Variants in NRG3 observed in about 807,000 individuals in gnomAD.
NRG3 encodes the protein neuregulin 3.
NRG3 carries 31 observed loss-of-function variants against 66.9 expected under a neutral mutation model. The observed-to-expected ratio is 0.46, with a 90% confidence interval of 0.35 to 0.63. NRG3 has a LOEUF of 0.63. Ranked by LOEUF, NRG3 falls within the 20% of genes least tolerant of loss-of-function variation. The pLI is 0.00. For missense variants in NRG3, 910 were observed against 878.9 expected (o/e 1.04, Z -0.45); for synonymous variants, 393 against 359.4 (o/e 1.09, Z -1.06).
chr10:82,748,243 C>T (rs915979950), intron 3 of NRG3, among the ~76,000 whole-genome samples: 1 of 151,578 alleles, frequency 6.6e-6, no homozygotes, highest in African/African-American at 2.4e-5. Context: ...AACTTGATTA[C>T]ATATGCATTT....
chr10:82,907,905 T>C (rs1356026813), intron 4 of NRG3, among the ~76,000 whole-genome samples: 7 of 152,196 alleles, frequency 4.6e-5, no homozygotes, highest in African/African-American at 1.7e-4. Flanking sequence ...AGGCAATGTT[T>C]TGCCTGTCTT....
At chr10:82,227,763 C>T (rs2076241837) in intron 1 of NRG3, among the ~76,000 whole-genome samples, 1 of 152,166 alleles carries the variant, frequency 6.6e-6, no homozygotes, top group Non-Finnish European at 1.5e-5. Context: ...GGAAATATTA[C>T]TCCAAGATAG....
At chr10:82,788,639 G>A (rs2060466484) in intron 3 of NRG3, among the ~76,000 whole-genome samples, 1 of 151,948 alleles carries the variant, frequency 6.6e-6, no homozygotes, top group Non-Finnish European at 1.5e-5. Flanking sequence ...AGACAAAGGA[G>A]AAAATAAGAT....
chr10:82,143,319 A>C (rs529698537), intron 1 of NRG3, among the ~76,000 whole-genome samples: 1 of 152,284 alleles, frequency 6.6e-6, no homozygotes, highest in South Asian at 2.1e-4. Flanking sequence ...CTCAGAATTC[A>C]GTATACCACT....
At chr10:82,323,002 G>C (rs533218175) in intron 1 of NRG3, among the ~76,000 whole-genome samples, 1 of 152,114 alleles carries the variant, frequency 6.6e-6, no homozygotes, top group African/African-American at 2.4e-5. Context: ...TGTTACTAAC[G>C]GGTAAGAATA....
chr10:82,284,190 T>C (rs528365568), intron 1 of NRG3, among the ~76,000 whole-genome samples: 2 of 152,276 alleles, frequency 1.3e-5, no homozygotes, highest in South Asian at 4.1e-4. Flanking sequence ...AGTGAAAAGG[T>C]ACATGGCAAG....
chr10:82,519,197 G>A (rs930682962), intron 2 of NRG3, among the ~76,000 whole-genome samples: 6 of 152,118 alleles, frequency 3.9e-5, no homozygotes, highest in Non-Finnish European at 8.8e-5. Context: ...TTGATTGTCC[G>A]GAGTACTTCC....
chr10:82,773,791 T>G (rs775389444), intron 3 of NRG3, among the ~76,000 whole-genome samples: 1 of 152,220 alleles, frequency 6.6e-6, no homozygotes, highest in African/African-American at 2.4e-5. Context: ...CAGATCTTGA[T>G]AGAAAAGTTT....
intron 2 of NRG3, among the ~76,000 whole-genome samples, chr10:82,705,821 G>T (rs1326728970): frequency 6.6e-6 from 1 of 152,174 alleles, no homozygotes; most frequent in Non-Finnish European, 1.5e-5. Context: ...TCTGAAGCTT[G>T]CCTGCCACTT....
intron 1 of NRG3, chr10:81,877,822 T>G: frequency 7.0e-7 from 1 of 1,428,174 alleles, no homozygotes; most frequent in Non-Finnish European, 9.1e-7. Flanking sequence ...GAGCCTCCAC[T>G]CAACAAATCT....
intron 7 of NRG3, among the ~76,000 whole-genome samples, chr10:82,975,032 A>G (rs1435960798): frequency 3.3e-5 from 5 of 152,216 alleles, no homozygotes; most frequent in African/African-American, 9.6e-5. Flanking sequence ...GTATGAGTCT[A>G]TGTTCAATTC....
chr10:82,865,658 A>G (rs1046173501), intron 4 of NRG3, among the ~76,000 whole-genome samples: 13 of 152,192 alleles, frequency 8.5e-5, no homozygotes, highest in Non-Finnish European at 1.9e-4. Flanking sequence ...CAGTGTCTGG[A>G]ATCATACAGA....
intron 3 of NRG3, among the ~76,000 whole-genome samples, chr10:82,860,317 A>G (rs927731722): frequency 3.3e-5 from 5 of 152,208 alleles, no homozygotes; most frequent in Non-Finnish European, 5.9e-5. Context: ...CTGCCTGAGG[A>G]TACTTGAAAG....
In NRG3 at chr10:82,402,348, A is replaced by T. The variant is rs187665370; in HGVS notation, c.953+43480A>T. On this transcript the variant is annotated intron_variant, in intron 2 of 8. Coordinates refer to ENST00000372141, the MANE Select transcript of NRG3 (RefSeq NM_001010848.4). ...TTCAGGCCAAGAAGAAAATAAAGTCATGTCTATAGCTGTGCCTAGTTAGTA... is the reference window on the plus strand; with the variant it reads ...TTCAGGCCAAGAAGAAAATAAAGTCTTGTCTATAGCTGTGCCTAGTTAGTA... 1.4e-3 allele frequency among the ~76,000 whole-genome samples: 219 copies of T among 152,260 alleles called. 2 individuals carry two copies. The highest frequency in any genetic ancestry group is 5.1e-3 in the African/African-American group (211 of 41,552).
At chr10:82,325,536 T>C (rs537535010) in intron 1 of NRG3, among the ~76,000 whole-genome samples, 5 of 152,220 alleles carry the variant, frequency 3.3e-5, no homozygotes, top group African/African-American at 1.2e-4. Context: ...GCTTTTAGCC[T>C]GTTTATATAT....
chr10:82,441,797 C>T (rs1023079085), intron 2 of NRG3, among the ~76,000 whole-genome samples: 1 of 152,228 alleles, frequency 6.6e-6, no homozygotes, highest in African/African-American at 2.4e-5. Flanking sequence ...GAATCACACA[C>T]AGCCTGCTGT....
intron 3 of NRG3, among the ~76,000 whole-genome samples, chr10:82,819,272 C>G (rs2061846643): frequency 1.3e-5 from 2 of 152,280 alleles, no homozygotes; most frequent in East Asian, 3.9e-4. Context: ...AAAGCCAATG[C>G]TATGTCAACT....
At chr10:81,885,006 T>G (rs1161981454) in intron 1 of NRG3, among the ~76,000 whole-genome samples, 1 of 152,186 alleles carries the variant, frequency 6.6e-6, no homozygotes, top group Admixed American at 6.5e-5. Flanking sequence ...AGTACTATGT[T>G]GTACAACGGA....
chr10:82,815,655 C>G (rs114928620), intron 3 of NRG3, among the ~76,000 whole-genome samples: 1,718 of 152,170 alleles, frequency 0.011, 28 homozygotes, highest in African/African-American at 0.039. Flanking sequence ...CCAGGTGTCA[C>G]TTCACCTGGA....
Sources: allele counts gnomAD v4.1 joint callset (sites outside exome capture counted in the v4.1 genomes callset), GRCh38; gene constraint gnomAD v4.1.1; transcripts MANE v1.5; gene names NCBI Gene and HGNC (gene_info 2026-07-23, HGNC 2026-07-21).